SMAD2: variants seen among roughly 807,000 people sequenced by gnomAD.
The protein encoded by SMAD2 is SMAD family member 2.
Under a neutral mutation model 64.4 loss-of-function variants are expected in SMAD2, and 8 were observed. That is an observed-to-expected ratio of 0.12 (90% CI 0.07 to 0.22). SMAD2 has a LOEUF of 0.22. Ranked by LOEUF, SMAD2 falls within the 10% of genes least tolerant of loss-of-function variation. The pLI, the probability that SMAD2 is intolerant of heterozygous loss-of-function variation, is 1.00. For missense variants in SMAD2, 289 were observed against 561.2 expected (o/e 0.51, Z 4.90); for synonymous variants, 203 against 195.8 (o/e 1.04, Z -0.31).
In SMAD2 at chr18:47,837,785, A is replaced by G. The variant is rs978173397; in HGVS notation, c.*4042T>C. On this transcript the variant is annotated 3_prime_UTR_variant, in exon 11 of 11. Transcript: ENST00000262160. Reference sequence around the variant, plus strand: ...AAAAGTATTCATTGTTCATGTCCACAGACTAGATATCTAAAGAGATACTTG... The same window carrying G: ...AAAAGTATTCATTGTTCATGTCCACGGACTAGATATCTAAAGAGATACTTG... The G allele has an allele frequency of 2.1e-5, 5 of 232,920 alleles. No individual in the cohort carries two copies. The highest frequency in any genetic ancestry group is 3.4e-5 in the Non-Finnish European group (4 of 117,868). The allele number at this position is 232,920 out of a possible 1,614,324, so 14.4% of individuals were successfully genotyped here.
rs776570464 is a variant in SMAD2 at position 47,834,430 on chromosome 18, A to G, written c.*7397T>C. 16 of 206,654 alleles carry G rather than the reference A, an allele frequency of 7.7e-5. No individual in the cohort carries two copies. The highest frequency in any genetic ancestry group is 1.8e-4 in the Admixed American group (3 of 16,810). 12.8% of individuals were successfully genotyped at this position (206,654 alleles called of 1,614,324 possible). A position where few individuals can be genotyped will look rare whatever the true frequency, so the allele number is the denominator to read the frequency against. On this transcript the variant is annotated 3_prime_UTR_variant, in exon 11 of 11. Coordinates refer to ENST00000262160, the MANE Select transcript of SMAD2 (RefSeq NM_005901.6). Reference sequence around the variant, plus strand: ...TGCTAAAAGTTTTGTATCCAGGGAAAGTCCCGCATCCAGGGAAACCCTCAA... The same window carrying G: ...TGCTAAAAGTTTTGTATCCAGGGAAGGTCCCGCATCCAGGGAAACCCTCAA...
chr18:47,897,763 T>A (rs1361552510), intron 1 of SMAD2, among the ~76,000 whole-genome samples: 1 of 152,198 alleles, frequency 6.6e-6, no homozygotes, highest in East Asian at 1.9e-4. Flanking sequence ...ACATAACTTT[T>A]ATTCCTGATC....
At chr18:47,897,697 T>C (rs2033502794) in intron 1 of SMAD2, among the ~76,000 whole-genome samples, 1 of 152,180 alleles carries the variant, frequency 6.6e-6, no homozygotes, top group Non-Finnish European at 1.5e-5. Flanking sequence ...ACACAGAATT[T>C]AGAAAGCACT....
chr18:47,845,116 T>G, intron 10 of SMAD2: 1 of 621,734 alleles, frequency 1.6e-6, no homozygotes, highest in Non-Finnish European at 2.8e-6. Context: ...CACTCTGAAT[T>G]ACGTTAAAAT....
chr18:47,910,236 G>A (rs1477664259), intron 1 of SMAD2, among the ~76,000 whole-genome samples: 1 of 151,454 alleles, frequency 6.6e-6, no homozygotes, highest in Admixed American at 6.6e-5. Context: ...AGAAATTCAA[G>A]GGCTAACAGA....
chr18:47,850,341 A>T (rs1456968314), intron 7 of SMAD2, among the ~76,000 whole-genome samples: 1 of 43,586 alleles, frequency 2.3e-5, no homozygotes, highest in Non-Finnish European at 3.7e-5. Flanking sequence ...AATATATGTT[A>T]TATATATTAT....
chr18:47,925,903 C>T (rs1479817773), intron 1 of SMAD2, among the ~76,000 whole-genome samples: 1 of 152,204 alleles, frequency 6.6e-6, no homozygotes, highest in African/African-American at 2.4e-5. Context: ...AAACCCTCAA[C>T]AGAGAGACTG....
At chr18:47,847,516 A>C (rs1264614090) in intron 8 of SMAD2, among the ~76,000 whole-genome samples, 1 of 152,042 alleles carries the variant, frequency 6.6e-6, no homozygotes, top group South Asian at 2.1e-4. Context: ...GTTTATGTGA[A>C]TATTATGGAA....
chr18:47,858,304 T>C lies in SMAD2; in HGVS notation c.730+6755A>G, dbSNP rs182708775. On this transcript the variant is annotated intron_variant, in intron 6 of 10. Coordinates refer to ENST00000262160, the MANE Select transcript of SMAD2 (RefSeq NM_005901.6). ...GATCTGAAATGAAAAATTCATTTAA[T>C]TGGATTAAGAGCAGACTCAAAGTCA... is the stretch of plus-strand genomic sequence containing the variant. Among the ~76,000 whole-genome samples the C allele has an allele frequency of 1.2e-4, 18 of 152,240 alleles. No individual in the cohort carries two copies. The South Asian group carries it at 3.3e-3, about 28-fold the overall frequency.
intron 6 of SMAD2, among the ~76,000 whole-genome samples, chr18:47,856,182 T>C (rs1475969820): frequency 6.6e-6 from 1 of 151,344 alleles, no homozygotes; most frequent in Non-Finnish European, 1.5e-5. Flanking sequence ...CATAATAAAA[T>C]GGTGATTACA....
intron 1 of SMAD2, among the ~76,000 whole-genome samples, 182 bp from the exon 2 acceptor site, chr18:47,896,991 C>T (rs1446763795): frequency 6.6e-6 from 1 of 152,110 alleles, no homozygotes; most frequent in Non-Finnish European, 1.5e-5. Context: ...GAAACAAACC[C>T]TTCTAAAAAC....
Position 47,883,894 on chromosome 18 carries a change from A to T in SMAD2, c.236+12627T>A, listed in dbSNP as rs373015873. Among the ~76,000 whole-genome samples, 51 of 152,328 alleles carry T rather than the reference A, an allele frequency of 3.3e-4. 1 individual carries two copies. The highest frequency in any genetic ancestry group is 1.7e-3 in the East Asian group (9 of 5,190). On this transcript the variant is annotated intron_variant, in intron 2 of 10. Transcript: ENST00000262160. ...GATACTTGACTGCTGATAGGTTTCAAGCCCCACCATTTCCTCTTCCCCTTC... is the reference window on the plus strand; with the variant it reads ...GATACTTGACTGCTGATAGGTTTCATGCCCCACCATTTCCTCTTCCCCTTC...
intron 1 of SMAD2, among the ~76,000 whole-genome samples, chr18:47,899,425 T>C (rs758348015): frequency 1.4e-4 from 21 of 151,926 alleles, no homozygotes; most frequent in Non-Finnish European, 2.9e-4. Flanking sequence ...GAAATACATA[T>C]AAAGGAGTTA....
chr18:47,913,044 G>A (rs943902985), intron 1 of SMAD2, among the ~76,000 whole-genome samples: 6 of 151,736 alleles, frequency 4.0e-5, no homozygotes, highest in Admixed American at 1.3e-4. Flanking sequence ...CTCAGCCTCC[G>A]GAGTAGCTGG....
At chr18:47,846,928 A>G (rs539268907) in intron 8 of SMAD2, among the ~76,000 whole-genome samples, 41 of 152,328 alleles carry the variant, frequency 2.7e-4, no homozygotes, top group Non-Finnish European at 5.0e-4. Flanking sequence ...AGAACCTGGT[A>G]CGGTGGTTCT....
rs962728805 is a variant in SMAD2, at chr18:47,833,592, T to C, written c.*8235A>G. The C allele has an allele frequency of 1.1e-4, 25 of 230,834 alleles. No homozygotes were observed. Among genetic ancestry groups the C allele is most frequent in the African/African-American group, 4.6e-4 (21 of 45,294 alleles). 14.3% of individuals were successfully genotyped at this position (230,834 alleles called of 1,614,324 possible). On this transcript the variant is annotated 3_prime_UTR_variant, in exon 11 of 11. Coordinates refer to ENST00000262160, the MANE Select transcript of SMAD2 (RefSeq NM_005901.6). ...AGTTAATGCCATCAGAGAAAAAAAATCTCACCTCACGTGCTCAATGTTCTA... is the reference window on the plus strand; with the variant it reads ...AGTTAATGCCATCAGAGAAAAAAAACCTCACCTCACGTGCTCAATGTTCTA...
intron 10 of SMAD2, among the ~76,000 whole-genome samples, chr18:47,844,397 G>C (rs939195021): frequency 6.6e-6 from 1 of 152,124 alleles, no homozygotes; most frequent in African/African-American, 2.4e-5. Flanking sequence ...TAAGCAATAC[G>C]AATTGAAGAA....
Position 47,833,139 on chromosome 18 carries a change from A to T in SMAD2, c.*8688T>A, listed in dbSNP as rs754621222. ...AATGGCTTTCTTTTAATGCTAGGAA[A>T]ACTGTCCACCTTTCAACGGTGACAG... On this transcript the variant is annotated 3_prime_UTR_variant, in exon 11 of 11. Coordinates refer to ENST00000262160, the MANE Select transcript of SMAD2 (RefSeq NM_005901.6). 1.8e-4 allele frequency: 36 copies of T among 199,176 alleles called. No individual in the cohort carries two copies. The highest frequency in any genetic ancestry group is 1.4e-3 in the Admixed American group (23 of 16,562). 12.3% of individuals were successfully genotyped at this position (199,176 alleles called of 1,614,324 possible).
intron 1 of SMAD2, among the ~76,000 whole-genome samples, chr18:47,902,951 T>A (rs550798869): frequency 1.3e-5 from 2 of 152,132 alleles, no homozygotes; most frequent in African/African-American, 2.4e-5. Context: ...ACAGAGCAAG[T>A]GTGCATCCAC....
Sources: allele counts gnomAD v4.1 joint callset (sites outside exome capture counted in the v4.1 genomes callset), GRCh38; gene constraint gnomAD v4.1.1; transcripts MANE v1.5; gene names NCBI Gene and HGNC (gene_info 2026-07-23, HGNC 2026-07-21).